ADAM7: variants seen among roughly 807,000 people sequenced by gnomAD.
ADAM7 encodes ADAM metallopeptidase domain 7.
ADAM7 carries 97 observed loss-of-function variants against 102.9 expected under a neutral mutation model. That is an observed-to-expected ratio of 0.94 (90% CI 0.80 to 1.12). The LOEUF is 1.12. Among genes scored for constraint, ADAM7 ranks in the 50% most tolerant of loss-of-function variants. ADAM7 has a pLI of 0.00. For missense variants in ADAM7, 991 were observed against 908.7 expected, an observed-to-expected ratio of 1.09 and a Z score of -1.16; for synonymous variants, 334 against 304.4, an observed-to-expected ratio of 1.10 and a Z score of -1.01.
chr8:24,500,229 G>A lies in ADAM7; in HGVS notation c.1975G>A (p.Ala659Thr). 1.2e-6 allele frequency: 2 copies of A among 1,611,788 alleles called. No homozygotes were observed. Among genetic ancestry groups the A allele is most frequent in the African/African-American group, 1.3e-5 (1 of 74,974 alleles). The stretch of plus-strand genomic sequence containing the variant: ...CTGTGAGGAAGGACAGGCACCTGTA[G>A]CCTGTGAAGAAACCTTACATGTTAC... ...CHCEEGQAPV[A>T]CEETLHVTNI... Residue 659 changes from alanine (A) to threonine (T), a missense_variant, in exon 18 of 22, where the codon GCC becomes ACC. Transcript: ENST00000175238.
chr8:24,481,259 A>G (rs1367614214), intron 8 of ADAM7, among the ~76,000 whole-genome samples: 1 of 152,158 alleles, frequency 6.6e-6, no homozygotes, highest in Non-Finnish European at 1.5e-5. Flanking sequence ...AATTGAGTAT[A>G]TTCATATCAT....
intron 3 of ADAM7, among the ~76,000 whole-genome samples, chr8:24,461,884 C>A (rs1298681826): frequency 6.6e-6 from 1 of 152,138 alleles, no homozygotes; most frequent in African/African-American, 2.4e-5. Flanking sequence ...GCATGCATTG[C>A]AAATAACTTT....
At chr8:24,504,423 A>G (rs1820878638) in intron 20 of ADAM7, among the ~76,000 whole-genome samples, 1 of 143,228 alleles carries the variant, frequency 7.0e-6, no homozygotes, top group South Asian at 2.2e-4. Context: ...AAGATCAAGA[A>G]ACTACAAAGG....
chr8:24,495,424 T>C (rs1418580160), intron 16 of ADAM7, among the ~76,000 whole-genome samples: 3 of 151,594 alleles, frequency 2.0e-5, no homozygotes, highest in African/African-American at 7.3e-5. Flanking sequence ...CTCAGCAAAA[T>C]AACAAACTTC....
At chr8:24,490,551 G>A (rs1820307055) in intron 12 of ADAM7, 1 of 405,794 alleles carries the variant, frequency 2.5e-6, no homozygotes. Flanking sequence ...GATTATAAAT[G>A]TTGGACTCTC....
intron 3 of ADAM7, among the ~76,000 whole-genome samples, chr8:24,454,660 A>C (rs1301570018): frequency 6.6e-6 from 1 of 152,058 alleles, no homozygotes; most frequent in East Asian, 1.9e-4. Flanking sequence ...CGCTGCACCC[A>C]CTGTCCTGCG....
chr8:24,484,991 A>G (rs1423588465), intron 9 of ADAM7, among the ~76,000 whole-genome samples: 2 of 151,636 alleles, frequency 1.3e-5, no homozygotes, highest in Non-Finnish European at 2.9e-5. Flanking sequence ...TTTTCAGTAG[A>G]GATGGGGTTT....
intron 20 of ADAM7, chr8:24,506,179 T>TTGG (rs1563400598): frequency 1.3e-6 from 2 of 1,521,542 alleles, no homozygotes; most frequent in Admixed American, 4.0e-5. Context: ...CCCCTTCCTC[T>TTGG]TGGTGGTGGG....
chr8:24,455,905 C>T (rs1182293808), intron 3 of ADAM7, among the ~76,000 whole-genome samples: 1 of 151,984 alleles, frequency 6.6e-6, no homozygotes, highest in Non-Finnish European at 1.5e-5. Flanking sequence ...TTCATGAATA[C>T]AATGTGTAAT....
At chr8:24,464,084 T>A in intron 4 of ADAM7, 124 bp downstream of exon 4, 1 of 778,342 alleles carries the variant, frequency 1.3e-6, no homozygotes. Flanking sequence ...AGCTCTGAAT[T>A]GATTACTCTC....
intron 8 of ADAM7, among the ~76,000 whole-genome samples, chr8:24,480,055 G>T (rs1214742577): frequency 2.6e-5 from 4 of 152,140 alleles, no homozygotes; most frequent in Non-Finnish European, 4.4e-5. Context: ...CTTTTTGTAA[G>T]AGGGAGGAAG....
chr8:24,489,232 T>C lies in ADAM7; in HGVS notation c.1165T>C (p.Cys389Arg), dbSNP rs1328605101. ...HQYLKDYKPT[C>R]MLNIPFPYNF... ...GTACTTGAAGGATTATAAGCCAACA[T>C]GCATGCTCAACATTCCATTTCCTTA... The change falls in exon 12 of 22, where the codon TGC (cysteine) becomes CGC (arginine). Residue 389 changes from cysteine (C) to arginine (R), a missense_variant. Physicochemically the swap from Cys to Arg is radical, Grantham distance 180. Transcript: ENST00000175238. 6.2e-7 allele frequency: 1 copy of C among 1,613,608 alleles called. No homozygotes were observed. The highest frequency in any genetic ancestry group is 1.3e-5 in the African/African-American group (1 of 74,930).
intron 3 of ADAM7, among the ~76,000 whole-genome samples, chr8:24,463,163 T>A (rs1461362754): frequency 6.6e-6 from 1 of 152,156 alleles, no homozygotes; most frequent in East Asian, 1.9e-4. Context: ...TATGAAGGGA[T>A]CTCAAAATCT....
chr8:24,477,557 C>A (rs1279175044), intron 8 of ADAM7, among the ~76,000 whole-genome samples: 1 of 44,226 alleles, frequency 2.3e-5, no homozygotes, highest in Non-Finnish European at 5.0e-5. Context: ...GTCCCTTGGG[C>A]ATACCCTCAT....
chr8:24,490,239 A>G (rs758633925), intron 12 of ADAM7: 4 of 152,370 alleles, frequency 2.6e-5, no homozygotes, highest in Non-Finnish European at 4.4e-5. Context: ...TTGGAAAATG[A>G]TCCTCCTGTC....
At chr8:24,497,970 CAG>C (rs1239968332) in intron 16 of ADAM7, among the ~76,000 whole-genome samples, 1 of 151,748 alleles carries the variant, frequency 6.6e-6, no homozygotes, top group African/African-American at 2.4e-5. Context: ...TTTATTCAGA[CAG>C]AAAAGCAATG....
At chr8:24,465,664 T>G (rs1211813111) in intron 4 of ADAM7, 35 bp from the exon 5 acceptor site, 1 of 1,335,342 alleles carries the variant, frequency 7.5e-7, no homozygotes, top group Admixed American at 2.2e-5. Flanking sequence ...AATCAATATT[T>G]ATACATATAG....
chr8:24,491,567 T>G (rs1820355327), intron 13 of ADAM7, among the ~76,000 whole-genome samples: 2 of 151,972 alleles, frequency 1.3e-5, no homozygotes, highest in South Asian at 4.2e-4. Context: ...CAATTCGAGG[T>G]GGGTAGGGGG....
chr8:24,506,877 C>G (rs973672825), intron 20 of ADAM7, among the ~76,000 whole-genome samples: 1 of 152,002 alleles, frequency 6.6e-6, no homozygotes, highest in Non-Finnish European at 1.5e-5. Flanking sequence ...CAGTAGAGCA[C>G]CTCTTACTCA....
Sources: allele counts gnomAD v4.1 joint callset (sites outside exome capture counted in the v4.1 genomes callset), GRCh38; gene constraint gnomAD v4.1.1; transcripts MANE v1.5; gene names NCBI Gene and HGNC (gene_info 2026-07-23, HGNC 2026-07-21).